GRIN3A: variants seen among roughly 807,000 people sequenced by gnomAD.
GRIN3A encodes the protein glutamate ionotropic receptor NMDA type subunit 3A, also known as glutamate receptor ionotropic, NMDA 3A.
GRIN3A carries 47 observed loss-of-function variants against 92.4 expected under a neutral mutation model. The observed-to-expected ratio is 0.51, with a 90% confidence interval of 0.40 to 0.65. The LOEUF is 0.65. Ranked by LOEUF, GRIN3A falls within the 30% of genes least tolerant of loss-of-function variation. GRIN3A has a pLI of 0.00. For missense variants in GRIN3A, 1,324 were observed against 1,393.1 expected (o/e 0.95, Z 0.79); for synonymous variants, 527 against 540.6 (o/e 0.97, Z 0.35).
At chr9:101,719,291 C>T (rs777887686) in intron 1 of GRIN3A, among the ~76,000 whole-genome samples, 1 of 151,908 alleles carries the variant, frequency 6.6e-6, no homozygotes, top group Non-Finnish European at 1.5e-5. Context: ...TGGTGGCATG[C>T]GCCTGTAATT....
At chr9:101,737,163 C>G in intron 1 of GRIN3A, 118 bp downstream of exon 1, 1 of 809,854 alleles carries the variant, frequency 1.2e-6, no homozygotes. Context: ...TAAGCAATAT[C>G]AAAGTTATAA....
At chr9:101,615,424 TC>T (rs1828432217) in intron 5 of GRIN3A, among the ~76,000 whole-genome samples, 2 of 144,924 alleles carry the variant, frequency 1.4e-5, no homozygotes, top group Non-Finnish European at 3.0e-5. Flanking sequence ...AGTCTCGATC[TC>T]GGCTCACTGC....
rs972705582 is a variant in GRIN3A at position 101,641,636 on chromosome 9, G to T, written c.2353-13235C>A. 4.9e-4 allele frequency among the ~76,000 whole-genome samples: 74 copies of T among 151,868 alleles called. 1 individual carries two copies. Among genetic ancestry groups the T allele is most frequent in the African/African-American group, 2.9e-4 (12 of 41,336 alleles). On this transcript the variant is annotated intron_variant, in intron 3 of 8. Transcript: ENST00000361820. ...CACACTCTGGGGACTGTTGTGGGGT[G>T]GGGGGAGAGGGGAGGGATAGCATTA...
At chr9:101,675,667 G>T (rs570681724) in intron 2 of GRIN3A, among the ~76,000 whole-genome samples, 226 of 147,622 alleles carry the variant, frequency 1.5e-3, no homozygotes, top group Admixed American at 2.6e-3. Context: ...CATAGGAGGG[G>T]TTTTTTTTTT....
At chr9:101,734,791 A>T (rs1354836218) in intron 1 of GRIN3A, among the ~76,000 whole-genome samples, 6 of 151,966 alleles carry the variant, frequency 3.9e-5, no homozygotes, top group Non-Finnish European at 8.8e-5. Context: ...AGTAAGAGAC[A>T]CAATTTTATT....
chr9:101,599,432 T>A (rs1315939952), intron 6 of GRIN3A, among the ~76,000 whole-genome samples: 3 of 152,202 alleles, frequency 2.0e-5, no homozygotes, highest in Admixed American at 2.0e-4. Context: ...TCATAAACTA[T>A]GTAGCTCAGC....
At chr9:101,733,661 G>C (rs1830168870) in intron 1 of GRIN3A, among the ~76,000 whole-genome samples, 1 of 152,126 alleles carries the variant, frequency 6.6e-6, no homozygotes, top group South Asian at 2.1e-4. Context: ...CAAAAATAGT[G>C]CTTTGTTAGC....
At chr9:101,688,388 A>G (rs1228040193) in intron 1 of GRIN3A, among the ~76,000 whole-genome samples, 1 of 152,232 alleles carries the variant, frequency 6.6e-6, no homozygotes, top group African/African-American at 2.4e-5. Flanking sequence ...TCATGATGGT[A>G]GGTAGGATGG....
chr9:101,573,186 A>G lies in GRIN3A; in HGVS notation c.3336T>C (p.Thr1112=). The change falls in exon 9 of 9, where the codon ACT becomes ACC. Residue 1112 remains threonine (T), a synonymous_variant. Coordinates refer to ENST00000361820, the MANE Select transcript of GRIN3A (RefSeq NM_133445.3). ...GCAGTGTGGTCACCTAGGACTCACA[A>G]GTCCGACTTGTCCTTTGATACTCCT... ...ELEEYQRTSR[T]CES 6.2e-7 allele frequency: 1 copy of G among 1,614,020 alleles called. No individual in the cohort carries two copies. The highest frequency in any genetic ancestry group is 8.5e-7 in the Non-Finnish European group (1 of 1,179,898).
intron 1 of GRIN3A, among the ~76,000 whole-genome samples, chr9:101,729,219 G>A (rs187825808): frequency 2.7e-4 from 41 of 152,298 alleles, no homozygotes; most frequent in Non-Finnish European, 4.4e-4. Context: ...ATAAGTCTGT[G>A]TGGGCAATTG....
At chr9:101,661,283 A>G (rs1829168404) in intron 3 of GRIN3A, among the ~76,000 whole-genome samples, 1 of 151,874 alleles carries the variant, frequency 6.6e-6, no homozygotes. Context: ...GTATTTTCCC[A>G]TTACATAAAT....
At chr9:101,619,291 G>T (rs867886273) in intron 5 of GRIN3A, among the ~76,000 whole-genome samples, 52 of 152,242 alleles carry the variant, frequency 3.4e-4, no homozygotes, top group African/African-American at 1.2e-3. Context: ...AGAACATATT[G>T]TAATGGTCCC....
chr9:101,574,453 A>C (rs988576602), intron 8 of GRIN3A, among the ~76,000 whole-genome samples: 3 of 152,204 alleles, frequency 2.0e-5, no homozygotes, highest in African/African-American at 7.2e-5. Flanking sequence ...ACCACAGGAC[A>C]AAACTAAATA....
chr9:101,589,773 C>A (rs1254293783), intron 6 of GRIN3A, among the ~76,000 whole-genome samples: 1 of 152,012 alleles, frequency 6.6e-6, no homozygotes, highest in Non-Finnish European at 1.5e-5. Context: ...CTGTTTCAGG[C>A]ATTAGAACAT....
chr9:101,597,447 A>AT (rs1828151402), intron 6 of GRIN3A, among the ~76,000 whole-genome samples: 1 of 152,208 alleles, frequency 6.6e-6, no homozygotes, highest in Admixed American at 6.5e-5. Context: ...CTGACTCTAT[A>AT]GGAGAGAGGA....
intron 1 of GRIN3A, among the ~76,000 whole-genome samples, chr9:101,713,282 A>G (rs1457698035): frequency 2.6e-5 from 4 of 152,254 alleles, no homozygotes; most frequent in Non-Finnish European, 5.9e-5. Flanking sequence ...CATAGGAGGT[A>G]GAAGAATTAG....
At chr9:101,615,132 T>C (rs528195087) in intron 5 of GRIN3A, among the ~76,000 whole-genome samples, 2 of 151,728 alleles carry the variant, frequency 1.3e-5, no homozygotes, top group Non-Finnish European at 2.9e-5. Context: ...GTTAATCTCT[T>C]TGCTCAGCCA....
intron 6 of GRIN3A, among the ~76,000 whole-genome samples, chr9:101,597,439 G>T (rs1828151103): frequency 6.6e-6 from 1 of 152,198 alleles, no homozygotes; most frequent in South Asian, 2.1e-4. Context: ...CATTAGTGCT[G>T]ACTCTATAGG....
chr9:101,670,727 T>C lies in GRIN3A; in HGVS notation c.1685A>G (p.His562Arg), dbSNP rs1376074404. 7 of 1,614,088 alleles carry C rather than the reference T, an allele frequency of 4.3e-6. No homozygotes were observed. In the South Asian group the frequency reaches 7.7e-5, roughly 18 times the overall value. Residue 562 changes from histidine to arginine, a missense_variant, in exon 3 of 9, where the codon CAT becomes CGT. By Grantham distance (29) the His-to-Arg change is conservative (BLOSUM62 0). Coordinates refer to ENST00000361820, the MANE Select transcript of GRIN3A (RefSeq NM_133445.3). ...AATGGGCACTGTATCATTACTGCTA[T>C]GGAGGCTGCTAAAAAGGCTGTCCAA... is the stretch of plus-strand genomic sequence containing the variant. ...STLDSLFSSL[H>R]SSNDTVPIKF...
Sources: gnomAD v4.1 joint callset for allele counts (sites outside exome capture counted in the v4.1 genomes callset) on GRCh38, gnomAD v4.1.1 for gene constraint, MANE v1.5 for transcripts, NCBI Gene and HGNC (gene_info 2026-07-23, HGNC 2026-07-21) for gene names.